The following RAB4A variants were observed in gnomAD, a reference collection of about 807,000 sequenced individuals.
RAB4A encodes the protein RAB4A, member RAS oncogene family.
In RAB4A, 20 loss-of-function variants were observed where a neutral mutation model predicts 34.5. The observed-to-expected ratio is 0.58, with a 90% CI of 0.41 to 0.84. RAB4A has a LOEUF of 0.84. Among genes scored for constraint, RAB4A ranks in the 40% least tolerant of loss-of-function variants. RAB4A has a pLI of 0.00. For missense variants in RAB4A, 228 were observed against 274.5 expected, an observed-to-expected ratio of 0.83 and a Z score of 1.20; for synonymous variants, 102 against 100.0, an observed-to-expected ratio of 1.02 and a Z score of -0.12.
chr1:229,293,810 C>T (rs1169489578), intron 3 of RAB4A, among the ~76,000 whole-genome samples: 1 of 152,042 alleles, frequency 6.6e-6, no homozygotes, highest in Non-Finnish European at 1.5e-5. Context: ...TTAATGAGAC[C>T]CAAGGGACAA....
At chr1:229,291,310 A>G (rs1046063069) in intron 3 of RAB4A, among the ~76,000 whole-genome samples, 2 of 152,206 alleles carry the variant, frequency 1.3e-5, no homozygotes, top group African/African-American at 4.8e-5. Context: ...TTAGGAGGAT[A>G]TACTTCACCA....
rs1657532118 is a variant in RAB4A, at chr1:229,305,692, C to CA, written c.*1900dup. The CA allele has an allele frequency of 6.5e-6, 1 of 154,602 alleles. No homozygotes were observed. The highest frequency in any genetic ancestry group is 6.5e-5 in the Admixed American group (1 of 15,332). The allele number at this position is 154,602 out of a possible 1,614,324, so 9.6% of individuals were successfully genotyped here. On this transcript the variant is annotated 3_prime_UTR_variant, in exon 8 of 8. Transcript: ENST00000366690. Reference sequence around the variant, plus strand: ...CTTCCTAGAAAAAGATTATAAAGACCATTTAAACTGGAGATTGTAATTTAT... The same window carrying CA: ...CTTCCTAGAAAAAGATTATAAAGACCAATTTAAACTGGAGATTGTAATTTAT...
intron 3 of RAB4A, 66 bp from the exon 4 acceptor site, chr1:229,295,782 A>T: frequency 6.6e-7 from 1 of 1,524,354 alleles, no homozygotes; most frequent in Non-Finnish European, 9.1e-7. Context: ...GTGTTTTTTC[A>T]TGGGAAAGTG....
Position 229,304,661 on chromosome 1 carries a change from T to A in RAB4A, c.*868T>A, listed in dbSNP as rs541799660. The A allele has an allele frequency of 6.6e-6, 1 of 152,516 alleles. No individual in the cohort carries two copies. The highest frequency in any genetic ancestry group is 2.1e-4 in the South Asian group (1 of 4,838). The allele number at this position is 152,516 out of a possible 1,614,324, so 9.4% of individuals were successfully genotyped here. On this transcript the variant is annotated 3_prime_UTR_variant, in exon 8 of 8. Transcript: ENST00000366690. ...GCTAGAAAACACATTGTACTGTGCTTTTTCTGGAATTCAGTATAATGGCAT... is the reference window on the plus strand; with the variant it reads ...GCTAGAAAACACATTGTACTGTGCTATTTCTGGAATTCAGTATAATGGCAT...
intron 3 of RAB4A, 95 bp from the exon 4 acceptor site, chr1:229,295,753 G>A (rs991606531): frequency 6.0e-6 from 7 of 1,173,934 alleles, no homozygotes; most frequent in African/African-American, 1.5e-5. Flanking sequence ...CTGTGTTGTG[G>A]TTTACAAAGC....
intron 5 of RAB4A, 115 bp downstream of exon 5, chr1:229,297,751 G>A (rs532944640): frequency 1.7e-6 from 2 of 1,178,466 alleles, no homozygotes; most frequent in Non-Finnish European, 2.3e-6. Context: ...TTTAGGAAAT[G>A]TGGAATTTCC....
In RAB4A at chr1:229,283,259, G is replaced by A. The variant is rs926548632; in HGVS notation, c.32-3227G>A. Among the ~76,000 whole-genome samples, 5 of 152,160 alleles carry A rather than the reference G, an allele frequency of 3.3e-5. No homozygotes were observed. The East Asian group carries it at 5.8e-4, about 18-fold the overall frequency. ...GACCTCCACTGACACTGTGCCAGGG[G>A]CACACAAGAGCTCATTACACAGCCA... is the stretch of plus-strand genomic sequence containing the variant. On this transcript the variant is annotated intron_variant, in intron 1 of 7. Transcript: ENST00000366690.
chr1:229,275,364 C>T (rs1413638838), intron 1 of RAB4A, among the ~76,000 whole-genome samples: 1 of 152,124 alleles, frequency 6.6e-6, no homozygotes, highest in Non-Finnish European at 1.5e-5. Context: ...AGGAGGGATC[C>T]TTCCCTTGAG....
chr1:229,277,438 A>C (rs1656679639), intron 1 of RAB4A, among the ~76,000 whole-genome samples: 1 of 149,788 alleles, frequency 6.7e-6, no homozygotes, highest in Non-Finnish European at 1.5e-5. Context: ...CAAACCTTCC[A>C]CCTCTCCTAA....
intron 1 of RAB4A, among the ~76,000 whole-genome samples, chr1:229,273,850 G>T (rs1656568281): frequency 6.6e-6 from 1 of 152,138 alleles, no homozygotes; most frequent in African/African-American, 2.4e-5. Flanking sequence ...CGTATCAGTG[G>T]CCATATTTAT....
At chr1:229,292,598 GCAGAGAGGAAAAGCTTCAAGCTA>G (rs2102848876) in intron 3 of RAB4A, among the ~76,000 whole-genome samples, 1 of 152,290 alleles carries the variant, frequency 6.6e-6, no homozygotes, top group Admixed American at 6.5e-5. Flanking sequence ...CAGTCTCAAG[GCAGAGAGGAAAAGCTTCAAGCTA>G]CATGAAGACC....
chr1:229,301,750 CT>C (rs1255297179), intron 6 of RAB4A, among the ~76,000 whole-genome samples: 1 of 151,704 alleles, frequency 6.6e-6, no homozygotes, highest in Non-Finnish European at 1.5e-5. Flanking sequence ...GTTTTCTTCC[CT>C]TTTTTTATAT....
rs1558242322 is a variant in RAB4A, at chr1:229,302,289, A to T, written c.542-573A>T. ...TATATATATATATATATATATATATATATATATATATATATATATATTTTT... is the reference window on the plus strand; with the variant it reads ...TATATATATATATATATATATATATTTATATATATATATATATATATTTTT... On this transcript the variant is annotated intron_variant, in intron 6 of 7. Coordinates refer to ENST00000366690, the MANE Select transcript of RAB4A (RefSeq NM_004578.4). Among the ~76,000 whole-genome samples, 36 of 21,882 alleles carry T rather than the reference A, an allele frequency of 1.6e-3. 4 individuals carry two copies. Among genetic ancestry groups the T allele is most frequent in the African/African-American group, 6.8e-3 (25 of 3,674 alleles). The allele number at this position is 21,882 out of a possible 152,430, so 14.4% of individuals were successfully genotyped here.
intron 6 of RAB4A, among the ~76,000 whole-genome samples, chr1:229,301,672 G>A (rs1657389296): frequency 6.6e-6 from 1 of 151,972 alleles, no homozygotes; most frequent in African/African-American, 2.4e-5. Flanking sequence ...AAAAATATAA[G>A]AGTATAAATT....
chr1:229,274,819 T>C (rs1656599847), intron 1 of RAB4A, among the ~76,000 whole-genome samples: 1 of 152,192 alleles, frequency 6.6e-6, no homozygotes, highest in Non-Finnish European at 1.5e-5. Context: ...TGAGGAAAAA[T>C]CTAATACAAA....
intron 6 of RAB4A, 117 bp downstream of exon 6, chr1:229,299,189 T>C (rs1657319185): frequency 1.4e-6 from 1 of 702,146 alleles, no homozygotes; most frequent in South Asian, 2.2e-5. Flanking sequence ...TCTCTCTACC[T>C]GCCAACCTAA....
chr1:229,273,333 C>G (rs1312324017), intron 1 of RAB4A, among the ~76,000 whole-genome samples: 1 of 152,224 alleles, frequency 6.6e-6, no homozygotes, highest in Admixed American at 6.5e-5. Context: ...AAGGCTTTGA[C>G]CATTAGTATT....
rs12068198 is a variant in RAB4A at position 229,279,606 on chromosome 1, A to G, written c.32-6880A>G. On this transcript the variant is annotated intron_variant, in intron 1 of 7. Coordinates refer to ENST00000366690, the MANE Select transcript of RAB4A (RefSeq NM_004578.4). ...TATGTTTGCTATTTCAGTGGCTAGGAGACCTTTTTTTCCTGGTCTTTATTT... is the reference window on the plus strand; with the variant it reads ...TATGTTTGCTATTTCAGTGGCTAGGGGACCTTTTTTTCCTGGTCTTTATTT... Among the ~76,000 whole-genome samples the G allele has an allele frequency of 3.1e-3, 466 of 152,216 alleles. 2 individuals are homozygous for G. Among genetic ancestry groups the G allele is most frequent in the African/African-American group, 0.011 (453 of 41,532 alleles).
intron 1 of RAB4A, among the ~76,000 whole-genome samples, chr1:229,274,048 C>CT (rs1656573165): frequency 1.1e-5 from 1 of 93,928 alleles, no homozygotes; most frequent in Admixed American, 1.7e-4. Context: ...TTTTTGTTTC[C>CT]CTTTTTTTTT....
Sources: gnomAD v4.1 joint callset for allele counts (sites outside exome capture counted in the v4.1 genomes callset) on GRCh38, gnomAD v4.1.1 for gene constraint, MANE v1.5 for transcripts, NCBI Gene and HGNC (gene_info 2026-07-23, HGNC 2026-07-21) for gene names.